ABCA10: variants seen among roughly 807,000 people sequenced by gnomAD.
ABCA10 encodes ATP binding cassette subfamily A member 10.
A neutral mutation model predicts 187.5 loss-of-function variants in ABCA10; 169 were observed. That is an observed-to-expected ratio of 0.90 (90% CI 0.80 to 1.02). ABCA10 has a LOEUF of 1.02. Among genes scored for constraint, ABCA10 ranks in the 50% least tolerant of loss-of-function variants. The pLI, the probability that ABCA10 is intolerant of heterozygous loss-of-function variation, is 0.00. For missense variants in ABCA10, 1,727 were observed against 1,812.4 expected, an observed-to-expected ratio of 0.95 and a Z score of 0.86; for synonymous variants, 574 against 601.8, an observed-to-expected ratio of 0.95 and a Z score of 0.68.
At chr17:69,164,893 G>T in intron 26 of ABCA10, 71 bp downstream of exon 26, 1 of 1,496,270 alleles carries the variant, frequency 6.7e-7, no homozygotes, top group South Asian at 1.4e-5. Context: ...CACCTGTTCC[G>T]ACAATGGGTA....
chr17:69,148,971 C>T, intron 38 of ABCA10, 46 bp from the exon 39 acceptor site: 1 of 1,612,604 alleles, frequency 6.2e-7, no homozygotes, highest in South Asian at 1.1e-5. Context: ...CAGGGTGTGT[C>T]TGAAAGATGG....
At chr17:69,227,475 G>A (rs2144855330) in intron 1 of ABCA10, among the ~76,000 whole-genome samples, 190 bp from the exon 2 acceptor site, 1 of 151,758 alleles carries the variant, frequency 6.6e-6, no homozygotes, top group Middle Eastern at 3.4e-3. Context: ...TTCTCTCCAG[G>A]CTTTTATGGC....
At chr17:69,224,142 A>T (rs7215788) in intron 3 of ABCA10, among the ~76,000 whole-genome samples, 3,945 of 152,286 alleles carry the variant, frequency 0.026, 179 homozygotes, top group African/African-American at 0.091. Flanking sequence ...GCAGCCAGGG[A>T]TAACAATACC....
rs866283705 is a variant in ABCA10, at chr17:69,153,938, G to A, written c.3858C>T (p.Cys1286=). The change falls in exon 32 of 39, where the codon TGC becomes TGT. Residue 1286 remains cysteine, a synonymous_variant. Coordinates refer to ENST00000690296, the MANE Select transcript of ABCA10 (RefSeq NM_001377321.1). ...TGGGCCACAGTGAGTTCTCCTGAGGGCAGTACCCCAAGAACTTGAGGCTGT... is the reference window on the plus strand; with the variant it reads ...TGGGCCACAGTGAGTTCTCCTGAGGACAGTACCCCAAGAACTTGAGGCTGT... ...HDNSLKFLGY[C]PQENSLWPKL... The A allele has an allele frequency of 1.9e-6, 3 of 1,614,038 alleles. No individual in the cohort carries two copies. Among genetic ancestry groups the A allele is most frequent in the Admixed American group, 3.3e-5 (2 of 60,018 alleles).
intron 3 of ABCA10, among the ~76,000 whole-genome samples, chr17:69,224,793 A>C (rs540699719): frequency 1.3e-5 from 2 of 152,106 alleles, no homozygotes; most frequent in South Asian, 4.1e-4. Context: ...AAATGCCCTG[A>C]GCTGTACATT....
At position 69,174,853 on chromosome 17, in the gene ABCA10, TA is replaced by T. The variant is rs1312206888; in HGVS notation, c.2878-77del. 177 of 1,309,556 alleles carry T rather than the reference TA, an allele frequency of 1.4e-4. 2 individuals carry two copies. In the East Asian group the frequency reaches 4.2e-3, roughly 31 times the overall value. 81.1% of individuals were successfully genotyped at this position (1,309,556 alleles called of 1,614,324 possible). ...TTGTGGTTATGTAAAAAAAATTGTT[TA>T]ATAAATTTTAGAAATAGTATGTTAT... is the stretch of plus-strand genomic sequence containing the variant. On this transcript the variant is annotated intron_variant, in intron 23 of 38. Transcript: ENST00000690296.
At chr17:69,177,655 TA>T (rs1272124868) in intron 22 of ABCA10, among the ~76,000 whole-genome samples, 5 of 151,934 alleles carry the variant, frequency 3.3e-5, no homozygotes, top group Non-Finnish European at 5.9e-5. Context: ...AGAACTAAAT[TA>T]AATAATGTAT....
chr17:69,241,853 A>T (rs528392191), intron 1 of ABCA10, among the ~76,000 whole-genome samples: 95 of 152,334 alleles, frequency 6.2e-4, no homozygotes, highest in African/African-American at 2.3e-3. Context: ...CTTGATTCTT[A>T]ACTGACATAC....
intron 25 of ABCA10, among the ~76,000 whole-genome samples, chr17:69,168,874 C>T (rs2074274337): frequency 6.6e-6 from 1 of 152,192 alleles, no homozygotes; most frequent in Admixed American, 6.5e-5. Context: ...ATCCTCCTTG[C>T]CTTCTGCCAT....
chr17:69,241,225 G>T (rs2074901691), intron 1 of ABCA10, among the ~76,000 whole-genome samples: 1 of 152,128 alleles, frequency 6.6e-6, no homozygotes, highest in African/African-American at 2.4e-5. Context: ...AAAAGCCCTT[G>T]TGTCATTGAC....
chr17:69,164,236 T>C (rs1278141498), intron 26 of ABCA10, 82 bp from the exon 27 acceptor site: 3 of 1,134,282 alleles, frequency 2.6e-6, no homozygotes, highest in African/African-American at 1.6e-5. Context: ...CACATTATAC[T>C]TGATGTTCTA....
At position 69,153,513 on chromosome 17, in the gene ABCA10, A is replaced by G; in HGVS notation, c.3999T>C (p.Leu1333=). The G allele has an allele frequency of 6.2e-7, 1 of 1,614,154 alleles. No homozygotes were observed. ...CTGATAGAGTTTTCACAGGAGCCTT[A>G]AGTTGTTCCTGGAGCTTAAGAGCTT... ...LVEALKLQEQ[L]KAPVKTLSEG... Residue 1333 remains leucine, a synonymous_variant, in exon 33 of 39, where the codon CTT becomes CTC. Transcript: ENST00000690296.
chr17:69,164,287 G>T, intron 26 of ABCA10, 133 bp from the exon 27 acceptor site: 1 of 675,088 alleles, frequency 1.5e-6, no homozygotes, highest in Non-Finnish European at 2.3e-6. Flanking sequence ...GATGAGAAGA[G>T]TTGTTTTCTG....
At chr17:69,194,113 C>T in intron 12 of ABCA10, 124 bp from the exon 13 acceptor site, 2 of 942,762 alleles carry the variant, frequency 2.1e-6, no homozygotes, top group South Asian at 3.7e-5. Flanking sequence ...TCACATTTTC[C>T]AATTGCATAA....
chr17:69,210,249 G>A (rs953032403), intron 9 of ABCA10, among the ~76,000 whole-genome samples: 2 of 138,258 alleles, frequency 1.4e-5, no homozygotes, highest in African/African-American at 5.8e-5. Context: ...GACTGCAGTG[G>A]CGCAATCTCG....
chr17:69,165,944 T>G (rs985088561), intron 25 of ABCA10, among the ~76,000 whole-genome samples: 1 of 152,166 alleles, frequency 6.6e-6, no homozygotes, highest in African/African-American at 2.4e-5. Flanking sequence ...AAAGTTAAAC[T>G]ATATCAAAAC....
chr17:69,192,563 C>T lies in ABCA10; in HGVS notation c.1871G>A (p.Ser624Asn). ...KRKWGIGYHL[S>N]LHRNEMCDTE... The stretch of plus-strand genomic sequence containing the variant: ...AAATAACTACACCTAGAATACATAC[C>T]TTAAATGATATCCAATACCCCACTT... The change falls in exon 16 of 39, where the codon AGT becomes AAT. Residue 624 changes from serine to asparagine, a missense_variant and splice_region_variant. Physicochemically the swap from Ser to Asn is conservative, Grantham distance 46 (BLOSUM62 1). Transcript: ENST00000690296. The T allele has an allele frequency of 1.2e-6, 2 of 1,608,340 alleles. No homozygotes were observed.
At position 69,153,972 on chromosome 17, in the gene ABCA10, T is replaced by A. The variant is rs1414690252; in HGVS notation, c.3824A>T (p.Gln1275Leu). 2.5e-6 allele frequency: 4 copies of A among 1,613,960 alleles called. No homozygotes were observed. Among genetic ancestry groups the A allele is most frequent in the Non-Finnish European group, 2.5e-6 (3 of 1,179,964 alleles). ...CAAGAACTTGAGGCTGTTGTCATGC[T>A]GTTGCCTTACTGATGCTCTGCTGCC... ...LQGSRASVRQQHDNSLKFLGY... is the reference protein window; with the variant it reads ...LQGSRASVRQLHDNSLKFLGY... Residue 1275 changes from glutamine (Q) to leucine (L), a missense_variant, in exon 32 of 39, where the codon CAG (glutamine) becomes CTG (leucine). Coordinates refer to ENST00000690296, the MANE Select transcript of ABCA10 (RefSeq NM_001377321.1).
At chr17:69,189,318 GTATGTATTC>G (rs1156481546) in intron 18 of ABCA10, among the ~76,000 whole-genome samples, 2 of 152,084 alleles carry the variant, frequency 1.3e-5, no homozygotes, top group Non-Finnish European at 2.9e-5. Context: ...TTGATTGCAT[GTATGTATTC>G]TTTTGAGAAG....
Sources: gnomAD v4.1 joint callset for allele counts (sites outside exome capture counted in the v4.1 genomes callset) on GRCh38, gnomAD v4.1.1 for gene constraint, MANE v1.5 for transcripts, NCBI Gene and HGNC (gene_info 2026-07-23, HGNC 2026-07-21) for gene names.